MDFIC2: variants seen among roughly 807,000 people sequenced by gnomAD.
The protein encoded by MDFIC2 is myoD family inhibitor domain-containing protein 2.
At chr3:70,207,255 G>T (rs1701299647) in intron 2 of MDFIC2, among the ~76,000 whole-genome samples, 1 of 151,862 alleles carries the variant, frequency 6.6e-6, no homozygotes, top group Non-Finnish European at 1.5e-5. Context: ...TTCCTCCTCT[G>T]TAAAAAGAAA....
chr3:70,281,932 T>C (rs1702087427), intron 2 of MDFIC2, among the ~76,000 whole-genome samples: 1 of 152,190 alleles, frequency 6.6e-6, no homozygotes, highest in African/African-American at 2.4e-5. Flanking sequence ...TAATTTTTGA[T>C]TGTACAGTAA....
Position 70,257,305 on chromosome 3 carries a change from G to A in MDFIC2, c.89-50515C>T, listed in dbSNP as rs563520574. 4.6e-5 allele frequency among the ~76,000 whole-genome samples: 7 copies of A among 152,266 alleles called. No homozygotes were observed. The East Asian group carries it at 7.7e-4, about 17-fold the overall frequency. ...TAGACTTCTTTGGTAATTTGGTAAT[G>A]GAGATATTGGGGAAGAATCTTCCCT... On this transcript the variant is annotated intron_variant, in intron 2 of 3. Transcript: ENST00000567252.
intron 2 of MDFIC2, among the ~76,000 whole-genome samples, chr3:70,285,258 C>A (rs1453300309): frequency 2.2e-5 from 3 of 137,302 alleles, no homozygotes; most frequent in Admixed American, 8.2e-5. Flanking sequence ...CTTCCTGTGT[C>A]CATGTGTTCT....
intron 2 of MDFIC2, among the ~76,000 whole-genome samples, chr3:70,275,936 T>A (rs945979077): frequency 6.6e-6 from 1 of 152,136 alleles, no homozygotes; most frequent in Non-Finnish European, 1.5e-5. Context: ...TGGTAACTAA[T>A]CAGCTTTGAT....
At chr3:70,275,711 A>G (rs985743966) in intron 2 of MDFIC2, among the ~76,000 whole-genome samples, 1 of 152,194 alleles carries the variant, frequency 6.6e-6, no homozygotes, top group Non-Finnish European at 1.5e-5. Context: ...AGCGTCGTTG[A>G]AAGGATTAAA....
intron 2 of MDFIC2, among the ~76,000 whole-genome samples, chr3:70,230,556 ACTCT>A (rs1471902501): frequency 6.6e-6 from 1 of 151,966 alleles, no homozygotes; most frequent in African/African-American, 2.4e-5. Flanking sequence ...GAATAATGGA[ACTCT>A]CTCTTGAAAT....
chr3:70,298,258 G>A (rs1173679130), intron 2 of MDFIC2, among the ~76,000 whole-genome samples: 1 of 152,046 alleles, frequency 6.6e-6, no homozygotes, highest in Non-Finnish European at 1.5e-5. Flanking sequence ...TGCCACTGGA[G>A]TTATTTTTTC....
intron 2 of MDFIC2, among the ~76,000 whole-genome samples, chr3:70,301,315 T>C (rs1287713036): frequency 5.3e-5 from 8 of 152,134 alleles, no homozygotes; most frequent in African/African-American, 1.4e-4. Flanking sequence ...TATGTTCATA[T>C]GGTTTCGTGT....
chr3:70,247,576 CTCAAT>C (rs1701719300), intron 2 of MDFIC2, among the ~76,000 whole-genome samples: 1 of 151,768 alleles, frequency 6.6e-6, no homozygotes, highest in Admixed American at 6.6e-5. Context: ...AATGCCACAA[CTCAAT>C]TCTATTAGAA....
intron 2 of MDFIC2, among the ~76,000 whole-genome samples, chr3:70,221,108 C>A (rs1272215885): frequency 6.6e-6 from 1 of 151,996 alleles, no homozygotes; most frequent in Non-Finnish European, 1.5e-5. Flanking sequence ...AATTTTCAGA[C>A]GTGAAGTTCT....
chr3:70,266,275 T>C (rs1701916375), intron 2 of MDFIC2, among the ~76,000 whole-genome samples: 1 of 151,744 alleles, frequency 6.6e-6, no homozygotes, highest in Admixed American at 6.5e-5. Context: ...TATTTAATTA[T>C]GTACTTCTAA....
rs566892771 is a variant in MDFIC2 at position 70,195,893 on chromosome 3, T to C, written c.*1033A>G. Among the ~76,000 whole-genome samples, 1 of 152,294 alleles carries C rather than the reference T, an allele frequency of 6.6e-6. No individual in the cohort carries two copies. The highest frequency in any genetic ancestry group is 2.1e-4 in the South Asian group (1 of 4,826). ...AAATCACTTTCCAGTCTATATCACATCTTTTTCTTAAAAAAATAAGTAAAA... is the reference window on the plus strand; with the variant it reads ...AAATCACTTTCCAGTCTATATCACACCTTTTTCTTAAAAAAATAAGTAAAA... On this transcript the variant is annotated 3_prime_UTR_variant, in exon 4 of 4. Transcript: ENST00000567252.
At chr3:70,275,881 G>T (rs1027576215) in intron 2 of MDFIC2, among the ~76,000 whole-genome samples, 1 of 151,968 alleles carries the variant, frequency 6.6e-6, no homozygotes, top group Non-Finnish European at 1.5e-5. Context: ...GTTTAATTAG[G>T]CAATAATTAC....
intron 2 of MDFIC2, among the ~76,000 whole-genome samples, chr3:70,267,561 C>G (rs1475436560): frequency 1.4e-5 from 2 of 146,996 alleles, no homozygotes; most frequent in Non-Finnish European, 3.0e-5. Context: ...CGCCACCATG[C>G]CCGGCTAATT....
intron 2 of MDFIC2, among the ~76,000 whole-genome samples, chr3:70,298,833 C>A (rs1702317115): frequency 6.6e-6 from 1 of 152,128 alleles, no homozygotes; most frequent in African/African-American, 2.4e-5. Flanking sequence ...GAATACCTGG[C>A]TTGGGACCTG....
chr3:70,266,159 T>C (rs1701915631), intron 2 of MDFIC2, among the ~76,000 whole-genome samples: 3 of 152,230 alleles, frequency 2.0e-5, no homozygotes, highest in Admixed American at 2.0e-4. Context: ...TTAAGCAGAA[T>C]GTTGCTTTAT....
intron 2 of MDFIC2, among the ~76,000 whole-genome samples, chr3:70,277,193 T>C (rs1702035763): frequency 1.3e-5 from 2 of 152,108 alleles, no homozygotes; most frequent in South Asian, 2.1e-4. Flanking sequence ...GCTGGAACAA[T>C]GAACATAGCC....
chr3:70,212,798 C>T (rs1405479422), intron 2 of MDFIC2, among the ~76,000 whole-genome samples: 1 of 151,712 alleles, frequency 6.6e-6, no homozygotes, highest in Non-Finnish European at 1.5e-5. Context: ...TTTTCTCTCT[C>T]TTTTTTTGAG....
At position 70,312,032 on chromosome 3, in the gene MDFIC2, T is replaced by C. The variant is rs1222066471; in HGVS notation, c.1-59A>G. ...TCATTAAGAACCCAAATTTATAACA[T>C]CGAGTTTTATATTTAGAAACTACTG... On this transcript the variant is annotated intron_variant, in intron 1 of 3. Coordinates refer to ENST00000567252, the MANE Select transcript of MDFIC2 (RefSeq NM_001364677.1). The C allele has an allele frequency of 1.0e-5, 4 of 396,694 alleles. No homozygotes were observed. In the East Asian group the frequency reaches 1.1e-4, roughly 11 times the overall value. 24.6% of individuals were successfully genotyped at this position (396,694 alleles called of 1,614,324 possible). A position where few individuals can be genotyped will look rare whatever the true frequency, so the allele number is the denominator to read the frequency against.
Sources: allele counts gnomAD v4.1 joint callset (sites outside exome capture counted in the v4.1 genomes callset), GRCh38; gene constraint gnomAD v4.1.1; transcripts MANE v1.5; gene names NCBI Gene and HGNC (gene_info 2026-07-23, HGNC 2026-07-21).